CSMD1: variants seen among roughly 807,000 people sequenced by gnomAD.
CSMD1 encodes the protein CUB and Sushi multiple domains 1, also known as CUB and sushi domain-containing protein 1.
Under a neutral mutation model 417.5 loss-of-function variants are expected in CSMD1, and 213 were observed. The observed-to-expected ratio is 0.51, with a 90% confidence interval of 0.46 to 0.57. The LOEUF (loss-of-function observed/expected upper bound fraction) is 0.57, where lower values mean the gene tolerates loss of function less well. Ranked by LOEUF, CSMD1 falls within the 20% of genes least tolerant of loss-of-function variation. The pLI, the probability that CSMD1 is intolerant of heterozygous loss-of-function variation, is 0.00. For missense variants in CSMD1, 6,923 were observed against 4,529.7 expected (o/e 1.53, Z -15.17); for synonymous variants, 2,862 against 1,736.8 (o/e 1.65, Z -16.11).
chr8:3,181,006 G>A (rs1821286779), intron 37 of CSMD1, 104 bp downstream of exon 37: 2 of 747,930 alleles, frequency 2.7e-6, no homozygotes, highest in South Asian at 3.7e-5. Flanking sequence ...CACAGTTTTA[G>A]AAAAATAATA....
In CSMD1 at chr8:3,096,966, A is replaced by G; in HGVS notation, c.7021T>C (p.Tyr2341His). ...VILSPGYPGN[Y>H]FNSQTCSWSI... ...CAAGAGCAAGTCTGGGAGTTAAAAT[A>G]ATTACCCGGATACCCTGGACTGAGA... Residue 2341 changes from tyrosine (Y) to histidine (H), a missense_variant, in exon 47 of 70, where the codon TAT (tyrosine) becomes CAT (histidine). Physicochemically the swap from Tyr to His is moderately conservative, Grantham distance 83 (BLOSUM62 2). Transcript: ENST00000635120. 1 of 1,555,372 alleles carries G rather than the reference A, an allele frequency of 6.4e-7. No homozygotes were observed. Among genetic ancestry groups the G allele is most frequent in the Non-Finnish European group, 8.7e-7 (1 of 1,148,546 alleles).
chr8:3,921,462 G>C (rs554838247), intron 5 of CSMD1, among the ~76,000 whole-genome samples: 3 of 151,642 alleles, frequency 2.0e-5, no homozygotes, highest in Admixed American at 6.6e-5. Context: ...TCTTTTCCTA[G>C]TTCAGTGAGG....
intron 2 of CSMD1, among the ~76,000 whole-genome samples, chr8:4,432,146 C>A (rs1385001961): frequency 6.6e-6 from 1 of 152,184 alleles, no homozygotes; most frequent in South Asian, 2.1e-4. Flanking sequence ...CTAAAGCATG[C>A]ATGGATTATA....
chr8:4,564,477 G>A lies in CSMD1; in HGVS notation c.302+72865C>T, dbSNP rs149749089. On this transcript the variant is annotated intron_variant, in intron 2 of 69. Coordinates refer to ENST00000635120, the MANE Select transcript of CSMD1 (RefSeq NM_033225.6). ...GGTGAGGGGCCTGATCCTGGTTCAG[G>A]GACACACATTCATTCCATGACATAC... Among the ~76,000 whole-genome samples, 114 of 152,102 alleles carry A rather than the reference G, an allele frequency of 7.5e-4. 1 individual carries two copies. The East Asian group carries it at 0.018, about 24-fold the overall frequency.
At chr8:3,465,013 C>T (rs1420801502) in intron 12 of CSMD1, among the ~76,000 whole-genome samples, 2 of 152,154 alleles carry the variant, frequency 1.3e-5, no homozygotes, top group African/African-American at 4.8e-5. Context: ...AATACACATG[C>T]TCATAAGTAT....
intron 4 of CSMD1, among the ~76,000 whole-genome samples, chr8:4,016,265 T>C (rs1433913128): frequency 2.6e-5 from 4 of 152,106 alleles, no homozygotes; most frequent in East Asian, 1.9e-4. Context: ...GAGTAATTCA[T>C]AGGTACCTAA....
At chr8:4,647,393 A>ACGTAGGTACGCGTGTGCCACGGT (rs1803590895) in intron 1 of CSMD1, among the ~76,000 whole-genome samples, 2 of 80,612 alleles carry the variant, frequency 2.5e-5, no homozygotes, top group African/African-American at 5.1e-5. Flanking sequence ...TGTGCCACGG[A>ACGTAGGTACGCGTGTGCCACGGT]GGTCTGTTAG....
chr8:4,229,215 G>A (rs1414368427), intron 3 of CSMD1, among the ~76,000 whole-genome samples: 3 of 152,156 alleles, frequency 2.0e-5, no homozygotes, highest in African/African-American at 4.8e-5. Flanking sequence ...TACCAAATCA[G>A]CACATTGGCC....
At chr8:3,984,104 G>GTGCACATTGCAGATCTGATGGGGCTGT (rs1167648339) in intron 5 of CSMD1, among the ~76,000 whole-genome samples, 1 of 141,770 alleles carries the variant, frequency 7.1e-6, no homozygotes, top group Non-Finnish European at 1.6e-5. Context: ...GCTGTCAATA[G>GTGCACATTGCAGATCTGATGGGGCTGT]CAACTCTAGA....
chr8:4,421,510 A>G (rs1253914908), intron 2 of CSMD1, among the ~76,000 whole-genome samples: 1 of 152,152 alleles, frequency 6.6e-6, no homozygotes, highest in Admixed American at 6.6e-5. Flanking sequence ...GTGGAATCAA[A>G]TTAGAAATCA....
At chr8:3,526,551 G>C (rs898858675) in intron 10 of CSMD1, among the ~76,000 whole-genome samples, 1 of 152,180 alleles carries the variant, frequency 6.6e-6, no homozygotes, top group Admixed American at 6.5e-5. Flanking sequence ...AACGGCCCCA[G>C]AGTGTCACTA....
intron 5 of CSMD1, among the ~76,000 whole-genome samples, chr8:3,764,499 A>C (rs1798165533): frequency 6.6e-6 from 1 of 152,192 alleles, no homozygotes; most frequent in African/African-American, 2.4e-5. Flanking sequence ...AGAGCAGAGT[A>C]GCCCTGGGTG....
chr8:4,784,671 G>A (rs1262629540), intron 1 of CSMD1, among the ~76,000 whole-genome samples: 1 of 152,108 alleles, frequency 6.6e-6, no homozygotes, highest in Non-Finnish European at 1.5e-5. Flanking sequence ...AAATATTTTT[G>A]AAAATTCAGA....
At chr8:3,422,229 G>A (rs979108671) in intron 12 of CSMD1, among the ~76,000 whole-genome samples, 2 of 152,068 alleles carry the variant, frequency 1.3e-5, no homozygotes, top group Non-Finnish European at 2.9e-5. Context: ...GTTTCCTCAA[G>A]GGCTGGACTC....
chr8:4,793,484 C>T (rs1442421144), intron 1 of CSMD1, among the ~76,000 whole-genome samples: 1 of 151,980 alleles, frequency 6.6e-6, no homozygotes, highest in Non-Finnish European at 1.5e-5. Context: ...CCACCATCTC[C>T]CACGCCATCT....
chr8:4,504,714 T>C (rs1239997724), intron 2 of CSMD1, among the ~76,000 whole-genome samples: 2 of 152,166 alleles, frequency 1.3e-5, no homozygotes, highest in Admixed American at 6.5e-5. Context: ...CTCCCACTTA[T>C]GAGTCAGAAC....
intron 5 of CSMD1, among the ~76,000 whole-genome samples, chr8:3,755,989 T>G (rs933611917): frequency 6.6e-6 from 1 of 152,072 alleles, no homozygotes; most frequent in South Asian, 2.1e-4. Context: ...ATACGGAGAA[T>G]GTCTAAAAAA....
At chr8:3,403,061 T>C (rs1364324531) in intron 15 of CSMD1, among the ~76,000 whole-genome samples, 1 of 152,176 alleles carries the variant, frequency 6.6e-6, no homozygotes. Context: ...TGGATAGACA[T>C]TTGCTTGTAG....
At chr8:3,860,484 T>C (rs1255075245) in intron 5 of CSMD1, among the ~76,000 whole-genome samples, 1 of 152,324 alleles carries the variant, frequency 6.6e-6, no homozygotes, top group East Asian at 1.9e-4. Flanking sequence ...GTTTTTAAAA[T>C]GTACTTGAAG....
Sources: gnomAD v4.1 joint callset for allele counts (sites outside exome capture counted in the v4.1 genomes callset) on GRCh38, gnomAD v4.1.1 for gene constraint, MANE v1.5 for transcripts, NCBI Gene and HGNC (gene_info 2026-07-23, HGNC 2026-07-21) for gene names.